KLF8: variants seen among roughly 807,000 people sequenced by gnomAD.
The protein encoded by KLF8 is Krueppel-like factor 8.
A neutral mutation model predicts 18.2 loss-of-function variants in KLF8; 10 were observed. The ratio of observed to expected loss-of-function variants is 0.55; its 90% CI spans 0.34 to 0.93. The LOEUF is 0.93. Among genes scored for constraint, KLF8 ranks in the 40% least tolerant of loss-of-function variants. KLF8 has a pLI of 0.02. For synonymous variants in KLF8, 109 were observed against 97.3 expected (o/e 1.12, Z -0.71); for missense variants, 264 against 277.9 (o/e 0.95, Z 0.36).
the KLF8 span, among the ~76,000 whole-genome samples, chrX:55,992,237 G>A: frequency 3.7e-3 from 412 of 112,301 alleles, 2 homozygotes; most frequent in Non-Finnish European, 6.0e-3. Context: ...TTTAGGTTTT[G>A]CATTTAAGTC....
chrX:56,052,063 G>T, the KLF8 span, among the ~76,000 whole-genome samples: 70 of 111,237 alleles, frequency 6.3e-4, no homozygotes, highest in Non-Finnish European at 1.2e-3. Flanking sequence ...GATTGCATCG[G>T]CTCCTGAGGC....
chrX:56,256,449 C>G (rs2066796519), intron 2 of KLF8, among the ~76,000 whole-genome samples: 1 of 107,809 alleles, frequency 9.3e-6, no homozygotes, highest in Non-Finnish European at 1.9e-5. Flanking sequence ...ATTTTTTTTT[C>G]CAAAAGAATA....
chrX:56,180,886 G>A, the KLF8 span, among the ~76,000 whole-genome samples: 1 of 111,944 alleles, frequency 8.9e-6, no homozygotes, highest in African/African-American at 3.2e-5. Context: ...TTCCAACTAT[G>A]TGGTCAATTT....
the KLF8 span, among the ~76,000 whole-genome samples, chrX:55,936,140 A>C: frequency 8.9e-6 from 1 of 112,109 alleles, no homozygotes; most frequent in African/African-American, 3.2e-5. Flanking sequence ...GAGAAATACT[A>C]AACCTGTTAA....
the KLF8 span, among the ~76,000 whole-genome samples, chrX:56,050,809 T>C: frequency 9.0e-6 from 1 of 110,572 alleles, no homozygotes. Flanking sequence ...CTGAGTTCAA[T>C]TCCTGGGTAT....
the KLF8 span, among the ~76,000 whole-genome samples, chrX:55,949,937 A>G: frequency 8.9e-6 from 1 of 111,742 alleles, no homozygotes; most frequent in Admixed American, 9.5e-5. Flanking sequence ...TAAGCAATCA[A>G]TGTTTGAAAA....
chrX:56,283,900 C>T (rs1289360588), intron 5 of KLF8, among the ~76,000 whole-genome samples: 2 of 111,809 alleles, frequency 1.8e-5, no homozygotes, highest in African/African-American at 6.5e-5. Context: ...GTAGTAGAGC[C>T]GGATCACACA....
chrX:56,020,454 G>A, the KLF8 span, among the ~76,000 whole-genome samples: 1 of 111,785 alleles, frequency 8.9e-6, no homozygotes, highest in Admixed American at 9.5e-5. Context: ...GGGCTGTAGA[G>A]AAGCAGGTAG....
At chrX:55,995,806 A>T in the KLF8 span, among the ~76,000 whole-genome samples, 1 of 111,323 alleles carries the variant, frequency 9.0e-6, no homozygotes, top group Non-Finnish European at 1.9e-5. Context: ...AGCTGCCTTT[A>T]ATATTTTTTT....
chrX:56,103,679 T>C, the KLF8 span, among the ~76,000 whole-genome samples: 1 of 111,631 alleles, frequency 9.0e-6, no homozygotes, highest in African/African-American at 3.3e-5. Flanking sequence ...TGACTTCCTC[T>C]TTCCCTAATT....
At chrX:56,123,309 G>GAAAGAAAGAAAAGA in the KLF8 span, among the ~76,000 whole-genome samples, 1,117 of 108,140 alleles carry the variant, frequency 0.01, 33 homozygotes, top group African/African-American at 0.036. Context: ...GAGAAAGAAA[G>GAAAGAAAGAAAAGA]AAAGAAAAGA....
the KLF8 span, among the ~76,000 whole-genome samples, chrX:56,076,602 C>T: frequency 1.8e-5 from 2 of 111,284 alleles, no homozygotes; most frequent in Non-Finnish European, 3.8e-5. Context: ...AATAAACATA[C>T]GTGTGCATGT....
the KLF8 span, among the ~76,000 whole-genome samples, chrX:55,941,738 T>A: frequency 8.9e-6 from 1 of 112,186 alleles, no homozygotes; most frequent in South Asian, 3.7e-4. Flanking sequence ...AAAGAAGACA[T>A]TTATGCAGCC....
chrX:56,052,985 G>A, the KLF8 span, among the ~76,000 whole-genome samples: 2 of 111,941 alleles, frequency 1.8e-5, no homozygotes, highest in Non-Finnish European at 3.8e-5. Context: ...CGTTTTTTAA[G>A]CCCGTCAGAA....
At chrX:56,250,710 T>C (rs2066696805) in intron 2 of KLF8, among the ~76,000 whole-genome samples, 1 of 111,395 alleles carries the variant, frequency 9.0e-6, no homozygotes, top group African/African-American at 3.3e-5. Flanking sequence ...GTGTATGGTG[T>C]ATGTGTGTGT....
the KLF8 span, among the ~76,000 whole-genome samples, chrX:56,148,993 C>A: frequency 8.0e-5 from 9 of 112,106 alleles, no homozygotes; most frequent in African/African-American, 1.6e-4. Flanking sequence ...CTTCATAGCC[C>A]ATATAAAGGG....
chrX:56,253,914 C>T (rs2066752644), intron 2 of KLF8, among the ~76,000 whole-genome samples: 1 of 104,916 alleles, frequency 9.5e-6, no homozygotes, highest in African/African-American at 3.6e-5. Context: ...GCATGTGCCA[C>T]CATGCCCAGC....
chrX:55,970,756 A>G, the KLF8 span, among the ~76,000 whole-genome samples: 1 of 111,779 alleles, frequency 8.9e-6, no homozygotes, highest in Non-Finnish European at 1.9e-5. Context: ...TAGGACTTCT[A>G]TATGCCACTA....
the KLF8 span, among the ~76,000 whole-genome samples, chrX:56,099,518 T>C: frequency 8.9e-6 from 1 of 111,961 alleles, no homozygotes; most frequent in Non-Finnish European, 1.9e-5. Context: ...TTAAGCTTAG[T>C]GAGAAAGTCT....
Sources: allele counts gnomAD v4.1 joint callset (sites outside exome capture counted in the v4.1 genomes callset), GRCh38; gene constraint gnomAD v4.1.1; transcripts MANE v1.5; gene names NCBI Gene and HGNC (gene_info 2026-07-23, HGNC 2026-07-21).